KCNG3: variants seen among roughly 807,000 people sequenced by gnomAD.
KCNG3 encodes voltage-gated potassium channel regulatory subunit KCNG3.
In KCNG3, 15 loss-of-function variants were observed where a neutral mutation model predicts 29.0. That is an observed-to-expected ratio of 0.52 (90% CI 0.35 to 0.80). The LOEUF (loss-of-function observed/expected upper bound fraction) is 0.80, where lower values mean the gene tolerates loss of function less well. KCNG3 is among the 30% of genes least tolerant of loss of function. The probability of loss-of-function intolerance (pLI) is 0.01; values close to 1 mark genes in which losing one functional copy is unlikely to be tolerated. For missense variants in KCNG3, 512 were observed against 605.7 expected (o/e 0.85, Z 1.62); for synonymous variants, 322 against 248.9 (o/e 1.29, Z -2.76).
chr2:42,403,352 A>G, the KCNG3 span, among the ~76,000 whole-genome samples: 2 of 151,986 alleles, frequency 1.3e-5, no homozygotes, highest in South Asian at 4.1e-4. Context: ...CATGTTGTCC[A>G]TGCTGGTCTC....
chr2:42,446,829 T>C (rs1422617984), intron 1 of KCNG3, among the ~76,000 whole-genome samples: 2 of 152,022 alleles, frequency 1.3e-5, no homozygotes, highest in African/African-American at 4.8e-5. Context: ...CACATGATTT[T>C]AAAAAAAGAA....
the KCNG3 span, among the ~76,000 whole-genome samples, chr2:42,424,516 C>G: frequency 9.2e-5 from 14 of 151,396 alleles, no homozygotes; most frequent in South Asian, 2.7e-3. Flanking sequence ...GCTCTTAATT[C>G]TTTTAAATTT....
At chr2:42,480,186 C>T (rs939250343) in intron 1 of KCNG3, among the ~76,000 whole-genome samples, 1 of 152,140 alleles carries the variant, frequency 6.6e-6, no homozygotes, top group Non-Finnish European at 1.5e-5. Flanking sequence ...CTCTGTAAGT[C>T]AGGGTGGTCC....
the KCNG3 span, among the ~76,000 whole-genome samples, chr2:42,396,913 T>C: frequency 6.6e-6 from 1 of 152,208 alleles, no homozygotes; most frequent in East Asian, 1.9e-4. Flanking sequence ...TTTAGGGAAC[T>C]AGTTGAATAA....
the KCNG3 span, among the ~76,000 whole-genome samples, chr2:42,400,301 G>A: frequency 1.3e-5 from 2 of 152,102 alleles, no homozygotes; most frequent in African/African-American, 2.4e-5. Context: ...CAGGATGGAG[G>A]TCCCTAGGAA....
rs752471502 is a variant in KCNG3 at position 42,482,317 on chromosome 2, G to T, written c.665+10520C>A. Among the ~76,000 whole-genome samples the T allele has an allele frequency of 5.3e-5, 8 of 152,262 alleles. No homozygotes were observed. In the South Asian group the frequency reaches 1.7e-3, roughly 32 times the overall value. ...CTACAGATCGGGCATAGTGGCTCAT[G>T]CCTATAATCCCAACACTTTGGGAGG... On this transcript the variant is annotated intron_variant, in intron 1 of 1. Transcript: ENST00000306078.
the KCNG3 span, chr2:42,425,075 A>T: frequency 6.6e-6 from 1 of 151,870 alleles, no homozygotes. Flanking sequence ...TGGGGATGCA[A>T]CCGCCATGCT....
chr2:42,401,778 G>A, the KCNG3 span, among the ~76,000 whole-genome samples: 1 of 152,070 alleles, frequency 6.6e-6, no homozygotes, highest in East Asian at 1.9e-4. Flanking sequence ...GTGACACCTG[G>A]GAGGCTGAGG....
At chr2:42,479,334 C>T (rs1673521498) in intron 1 of KCNG3, among the ~76,000 whole-genome samples, 1 of 152,126 alleles carries the variant, frequency 6.6e-6, no homozygotes, top group Admixed American at 6.6e-5. Flanking sequence ...GGAGCTCAAG[C>T]ATGAATATCG....
chr2:42,409,339 A>C, the KCNG3 span, among the ~76,000 whole-genome samples: 1 of 152,118 alleles, frequency 6.6e-6, no homozygotes, highest in African/African-American at 2.4e-5. Context: ...TACAGGCATG[A>C]GCCACCATGC....
the KCNG3 span, among the ~76,000 whole-genome samples, chr2:42,401,605 C>T: frequency 6.6e-6 from 1 of 151,940 alleles, no homozygotes; most frequent in Non-Finnish European, 1.5e-5. Context: ...CTGCGCCTAA[C>T]TAATATTTTT....
rs146149118 is a variant in KCNG3, at chr2:42,450,247, T to A, written c.666-5668A>T. ...AGTAAGCTCGTCTGTAATGAGGTCC[T>A]CAGGGTTCTGCTTGCCCACACCTTA... On this transcript the variant is annotated intron_variant, in intron 1 of 1. Transcript: ENST00000306078. Among the ~76,000 whole-genome samples, 454 of 152,354 alleles carry A rather than the reference T, an allele frequency of 3.0e-3. 3 individuals carry two copies. Among genetic ancestry groups the A allele is most frequent in the African/African-American group, 9.6e-3 (401 of 41,582 alleles).
At chr2:42,391,019 G>A in the KCNG3 span, among the ~76,000 whole-genome samples, 1 of 152,154 alleles carries the variant, frequency 6.6e-6, no homozygotes, top group Non-Finnish European at 1.5e-5. Context: ...GAGCTCCCAG[G>A]TTCAGCTGGG....
the KCNG3 span, among the ~76,000 whole-genome samples, chr2:42,397,906 T>C: frequency 6.6e-6 from 1 of 152,078 alleles, no homozygotes; most frequent in Non-Finnish European, 1.5e-5. Flanking sequence ...CTCACAACTC[T>C]AACAGGCAGA....
At chr2:42,454,071 A>G (rs1165709106) in intron 1 of KCNG3, among the ~76,000 whole-genome samples, 1 of 146,294 alleles carries the variant, frequency 6.8e-6, no homozygotes, top group African/African-American at 2.6e-5. Flanking sequence ...AATCAGAACC[A>G]CAATGAGGAT....
the KCNG3 span, among the ~76,000 whole-genome samples, chr2:42,429,553 A>T: frequency 6.6e-6 from 1 of 152,238 alleles, no homozygotes; most frequent in African/African-American, 2.4e-5. Flanking sequence ...ATGTCGAATC[A>T]GCAAAATGTC....
the KCNG3 span, among the ~76,000 whole-genome samples, chr2:42,435,712 G>A: frequency 6.6e-6 from 1 of 152,200 alleles, no homozygotes; most frequent in Non-Finnish European, 1.5e-5. Flanking sequence ...CATACCCACT[G>A]TGACGGCTAT....
chr2:42,492,821 A>G lies in KCNG3; in HGVS notation c.665+16T>C. On this transcript the variant is annotated intron_variant, in intron 1 of 1. Transcript: ENST00000306078. The stretch of plus-strand genomic sequence containing the variant: ...GACAGGACGGACGGGACGGGTAGAG[A>G]AGCAGTGCGTCCTACCCGGAGGGCT... The G allele has an allele frequency of 2.1e-6, 3 of 1,463,252 alleles. No individual in the cohort carries two copies. The highest frequency in any genetic ancestry group is 2.7e-6 in the Non-Finnish European group (3 of 1,109,380). 90.6% of individuals were successfully genotyped at this position (1,463,252 alleles called of 1,614,324 possible).
In KCNG3 at chr2:42,444,164, G is replaced by A; in HGVS notation, c.1081C>T (p.Pro361Ser). 1 of 1,614,150 alleles carries A rather than the reference G, an allele frequency of 6.2e-7. No homozygotes were observed. The highest frequency in any genetic ancestry group is 8.5e-7 in the Non-Finnish European group (1 of 1,180,016). ...ETSNKDFTSIPAACWWVIISM... is the reference protein window; with the variant it reads ...ETSNKDFTSISAACWWVIISM... ...ATAATCACCCACCAGCAGGCAGCAG[G>A]AATGCTGGTAAAGTCCTTGTTGGAT... is the stretch of plus-strand genomic sequence containing the variant. Residue 361 changes from proline to serine, a missense_variant, in exon 2 of 2, where the codon CCT becomes TCT. Physicochemically the swap from Pro to Ser is moderately conservative, Grantham distance 74 (BLOSUM62 -1). This residue lies in a region of KCNG3 where 173 missense variants were observed against 262.4 expected (regional missense o/e 0.66). Transcript: ENST00000306078. The surrounding 1 kb of genome is among the most constrained non-coding windows in gnomAD (Gnocchi z 5.8).
Sources: gnomAD v4.1 joint callset for allele counts (sites outside exome capture counted in the v4.1 genomes callset) on GRCh38, gnomAD v4.1.1 for gene constraint, gnomAD v4.1.1 regional missense constraint, Gnocchi (gnomAD v3.1) non-coding constraint, MANE v1.5 for transcripts, NCBI Gene and HGNC (gene_info 2026-07-23, HGNC 2026-07-21) for gene names.